GALNT17: variants seen among roughly 807,000 people sequenced by gnomAD.
GALNT17 encodes UDP-GalNAc:polypeptide N-acetylgalactosaminyltransferase-like 3.
GALNT17 carries 29 observed loss-of-function variants against 63.7 expected under a neutral mutation model. The observed-to-expected ratio is 0.46, with a 90% CI of 0.34 to 0.62. The LOEUF is 0.62. Among genes scored for constraint, GALNT17 ranks in the 20% least tolerant of loss-of-function variants. The pLI, the probability that GALNT17 is intolerant of heterozygous loss-of-function variation, is 0.01. For synonymous variants in GALNT17, 305 were observed against 318.3 expected, an observed-to-expected ratio of 0.96 and a Z score of 0.45; for missense variants, 603 against 799.6, an observed-to-expected ratio of 0.75 and a Z score of 2.97.
chr7:71,298,959 C>T (rs1459760216), intron 1 of GALNT17, among the ~76,000 whole-genome samples: 15 of 152,084 alleles, frequency 9.9e-5, no homozygotes, highest in Admixed American at 9.2e-4. Context: ...GATGGGCACA[C>T]GAGGGTTTTT....
chr7:71,653,303 C>T (rs984692635), intron 6 of GALNT17, among the ~76,000 whole-genome samples: 3 of 151,970 alleles, frequency 2.0e-5, no homozygotes, highest in South Asian at 2.1e-4. Context: ...CATGAGTCAA[C>T]GCACCCGGCC....
At chr7:71,593,118 G>A (rs1371336207) in intron 6 of GALNT17, among the ~76,000 whole-genome samples, 1 of 151,422 alleles carries the variant, frequency 6.6e-6, no homozygotes, top group East Asian at 1.9e-4. Context: ...CCCTTGCACT[G>A]CAGTCTAGGC....
chr7:71,666,356 T>C (rs1284563305), intron 7 of GALNT17, among the ~76,000 whole-genome samples: 1 of 148,432 alleles, frequency 6.7e-6, no homozygotes, highest in Non-Finnish European at 1.5e-5. Context: ...ATATAAAATA[T>C]ATAATATAAA....
chr7:71,624,435 C>T (rs946404507), intron 6 of GALNT17, among the ~76,000 whole-genome samples: 3 of 152,126 alleles, frequency 2.0e-5, no homozygotes, highest in Non-Finnish European at 4.4e-5. Flanking sequence ...GGCTGTTTTA[C>T]CTTTCTGTTA....
chr7:71,307,032 C>T (rs1426006174), intron 1 of GALNT17, among the ~76,000 whole-genome samples: 16 of 152,082 alleles, frequency 1.1e-4, no homozygotes. Context: ...CTATGTTGGG[C>T]AGGCTGGTCT....
chr7:71,345,188 A>G (rs901575768), intron 2 of GALNT17, among the ~76,000 whole-genome samples: 9 of 142,030 alleles, frequency 6.3e-5, no homozygotes, highest in South Asian at 2.2e-4. Flanking sequence ...ATACCATTCT[A>G]TATCACACTG....
chr7:71,320,745 T>C (rs1372116485), intron 1 of GALNT17, among the ~76,000 whole-genome samples: 1 of 152,230 alleles, frequency 6.6e-6, no homozygotes, highest in Non-Finnish European at 1.5e-5. Flanking sequence ...TGTGTGATAC[T>C]GATGATTTTG....
At chr7:71,133,772 T>C (rs1317405886) in intron 1 of GALNT17, among the ~76,000 whole-genome samples, 3 of 152,160 alleles carry the variant, frequency 2.0e-5, no homozygotes, top group African/African-American at 7.2e-5. Context: ...GGGAGACTTT[T>C]TATGTGCTCT....
At chr7:71,460,027 A>G (rs1787425055) in intron 5 of GALNT17, among the ~76,000 whole-genome samples, 1 of 152,136 alleles carries the variant, frequency 6.6e-6, no homozygotes, top group South Asian at 2.1e-4. Flanking sequence ...GACCAAACCA[A>G]TGTAGTTCTC....
At chr7:71,699,391 G>T (rs376887230) in intron 9 of GALNT17, among the ~76,000 whole-genome samples, 1 of 149,462 alleles carries the variant, frequency 6.7e-6, no homozygotes, top group Non-Finnish European at 1.5e-5. Context: ...CAGGAGAATC[G>T]CTTGAACCTG....
intron 9 of GALNT17, among the ~76,000 whole-genome samples, chr7:71,692,621 T>C (rs972622007): frequency 6.6e-6 from 1 of 152,166 alleles, no homozygotes; most frequent in Non-Finnish European, 1.5e-5. Context: ...AGTAAGTTCA[T>C]AGTGAGATAT....
chr7:71,690,050 GA>G (rs1413793365), intron 9 of GALNT17, among the ~76,000 whole-genome samples: 1 of 149,668 alleles, frequency 6.7e-6, no homozygotes, highest in East Asian at 1.9e-4. Context: ...TTTTGAGACG[GA>G]GTCTCACTCT....
intron 1 of GALNT17, among the ~76,000 whole-genome samples, chr7:71,142,770 T>C (rs1787939649): frequency 6.6e-6 from 1 of 150,908 alleles, no homozygotes; most frequent in East Asian, 2.0e-4. Context: ...GTGAAATTTT[T>C]TCTCTACTAA....
intron 5 of GALNT17, among the ~76,000 whole-genome samples, chr7:71,534,567 C>G (rs1274543371): frequency 6.8e-6 from 1 of 147,754 alleles, no homozygotes; most frequent in Non-Finnish European, 1.5e-5. Flanking sequence ...CCACTGCACT[C>G]CAGCCTGGGC....
chr7:71,298,738 GTATGTA>G (rs1791132306), intron 1 of GALNT17, among the ~76,000 whole-genome samples: 1 of 138,646 alleles, frequency 7.2e-6, no homozygotes, highest in African/African-American at 2.5e-5. Context: ...GTGTGTGTGT[GTATGTA>G]TGTGTGTGAA....
intron 6 of GALNT17, among the ~76,000 whole-genome samples, chr7:71,574,608 A>G (rs1789504344): frequency 6.6e-6 from 1 of 152,132 alleles, no homozygotes; most frequent in South Asian, 2.1e-4. Context: ...AGAAAGGCAA[A>G]GGTCTGGGTT....
intron 6 of GALNT17, among the ~76,000 whole-genome samples, chr7:71,585,194 G>A (rs1241235370): frequency 6.6e-6 from 1 of 151,888 alleles, no homozygotes; most frequent in Non-Finnish European, 1.5e-5. Flanking sequence ...GAACTTCCTA[G>A]TGCTGACATT....
At chr7:71,389,562 C>G (rs1446185225) in intron 3 of GALNT17, among the ~76,000 whole-genome samples, 1 of 152,118 alleles carries the variant, frequency 6.6e-6, no homozygotes, top group Admixed American at 6.6e-5. Flanking sequence ...CTCCCTGATG[C>G]CAAAAAGGTT....
At chr7:71,378,874 C>T (rs895171925) in intron 2 of GALNT17, among the ~76,000 whole-genome samples, 2 of 151,984 alleles carry the variant, frequency 1.3e-5, no homozygotes, top group Non-Finnish European at 2.9e-5. Context: ...TGGTGGTGCA[C>T]GCCTGTAGTC....
Sources: allele counts gnomAD v4.1 joint callset (sites outside exome capture counted in the v4.1 genomes callset), GRCh38; gene constraint gnomAD v4.1.1; transcripts MANE v1.5; gene names NCBI Gene and HGNC (gene_info 2026-07-23, HGNC 2026-07-21).